Variants in SUPT3H observed in about 807,000 individuals in gnomAD.
The protein encoded by SUPT3H is SPT3 homolog, SAGA and STAGA complex component.
Under a neutral mutation model 44.3 loss-of-function variants are expected in SUPT3H, and 44 were observed. That is an observed-to-expected ratio of 0.99 (90% CI 0.78 to 1.28). SUPT3H has a LOEUF of 1.28. SUPT3H is among the 50% of genes most tolerant of loss of function. SUPT3H has a pLI of 0.00. For missense variants in SUPT3H, 380 were observed against 387.1 expected (o/e 0.98, Z 0.15); for synonymous variants, 124 against 125.6 (o/e 0.99, Z 0.09).
intron 2 of SUPT3H, among the ~76,000 whole-genome samples, chr6:45,216,185 TAAAA>T (rs760907315): frequency 0.13 from 17,803 of 137,232 alleles, 1,248 homozygotes; most frequent in African/African-American, 0.26. Context: ...CTTAAGGAAG[TAAAA>T]GGATGGTAAC....
chr6:45,209,212 A>T (rs1763699663), intron 2 of SUPT3H, among the ~76,000 whole-genome samples: 1 of 152,216 alleles, frequency 6.6e-6, no homozygotes, highest in Non-Finnish European at 1.5e-5. Flanking sequence ...CTAGCACAAC[A>T]TCCATTCTGC....
At chr6:45,234,201 GGAGT>G (rs1768628686) in intron 2 of SUPT3H, among the ~76,000 whole-genome samples, 1 of 152,058 alleles carries the variant, frequency 6.6e-6, no homozygotes, top group Admixed American at 6.6e-5. Context: ...ATTATTGTCT[GGAGT>G]GAGTATCAGT....
chr6:44,924,316 A>G (rs1267941017), intron 10 of SUPT3H, among the ~76,000 whole-genome samples: 1 of 152,118 alleles, frequency 6.6e-6, no homozygotes. Flanking sequence ...AAAATATACA[A>G]AAATAAAGTG....
chr6:45,369,425 ATTACT>A (rs1289558780), intron 1 of SUPT3H, among the ~76,000 whole-genome samples: 9 of 152,276 alleles, frequency 5.9e-5, no homozygotes, highest in African/African-American at 1.9e-4. Context: ...TTAATATTAA[ATTACT>A]TTAGTGCATA....
At chr6:44,995,526 C>A (rs964885101) in intron 6 of SUPT3H, among the ~76,000 whole-genome samples, 3 of 152,080 alleles carry the variant, frequency 2.0e-5, no homozygotes, top group Non-Finnish European at 2.9e-5. Flanking sequence ...GAGTTTCTAA[C>A]TGCTAGTATT....
At chr6:44,928,909 A>AAAAAAAAAAAAAAAAAAAG (rs1491361687) in intron 10 of SUPT3H, among the ~76,000 whole-genome samples, 4 of 139,140 alleles carry the variant, frequency 2.9e-5, no homozygotes, top group African/African-American at 1.1e-4. Flanking sequence ...AAAAAAGAAA[A>AAAAAAAAAAAAAAAAAAAG]GAAAAGAAAC....
intron 10 of SUPT3H, among the ~76,000 whole-genome samples, chr6:44,841,215 T>A (rs973186051): frequency 6.6e-6 from 1 of 152,236 alleles, no homozygotes; most frequent in Non-Finnish European, 1.5e-5. Context: ...ATATTATTAT[T>A]AGTTGTTATA....
At chr6:45,256,172 A>T (rs1289928222) in intron 2 of SUPT3H, among the ~76,000 whole-genome samples, 4 of 152,206 alleles carry the variant, frequency 2.6e-5, no homozygotes, top group Admixed American at 2.6e-4. Context: ...CTCTGTCTCA[A>T]AAAATAAATA....
At chr6:44,855,651 G>T (rs1773606293) in intron 10 of SUPT3H, among the ~76,000 whole-genome samples, 1 of 151,698 alleles carries the variant, frequency 6.6e-6, no homozygotes, top group African/African-American at 2.4e-5. Flanking sequence ...ATAGACAACA[G>T]ATACATCCAT....
intron 6 of SUPT3H, among the ~76,000 whole-genome samples, chr6:44,996,296 TTTA>T (rs1289663702): frequency 6.6e-6 from 1 of 151,744 alleles, no homozygotes; most frequent in Non-Finnish European, 1.5e-5. Context: ...ACTTTATATA[TTTA>T]TTTTTATTTC....
chr6:45,282,705 C>T (rs1433665613), intron 2 of SUPT3H, among the ~76,000 whole-genome samples: 1 of 152,062 alleles, frequency 6.6e-6, no homozygotes, highest in Admixed American at 6.5e-5. Context: ...GCAAGGCAGG[C>T]CAACATGCAA....
chr6:44,948,524 G>T (rs1773720442), intron 9 of SUPT3H, among the ~76,000 whole-genome samples: 1 of 152,110 alleles, frequency 6.6e-6, no homozygotes, highest in South Asian at 2.1e-4. Context: ...AATCTACAAA[G>T]AACTTAAACA....
At chr6:45,351,523 T>C (rs1323151313) in intron 2 of SUPT3H, among the ~76,000 whole-genome samples, 1 of 152,176 alleles carries the variant, frequency 6.6e-6, no homozygotes, top group African/African-American at 2.4e-5. Flanking sequence ...TGAGTGGAGA[T>C]GTCAAAGAAG....
chr6:45,049,216 G>A (rs1241100992), intron 3 of SUPT3H, among the ~76,000 whole-genome samples: 1 of 151,982 alleles, frequency 6.6e-6, no homozygotes, highest in East Asian at 1.9e-4. Flanking sequence ...AAGAAAAGAA[G>A]GATGCCAAGA....
intron 4 of SUPT3H, among the ~76,000 whole-genome samples, chr6:45,016,865 G>T (rs945048141): frequency 6.6e-6 from 1 of 151,928 alleles, no homozygotes; most frequent in African/African-American, 2.4e-5. Context: ...ACCCAGTAAT[G>T]GGATGGCTGG....
rs1250202628 is a variant in SUPT3H at position 45,095,376 on chromosome 6, A to C, written c.186+10546T>G. Among the ~76,000 whole-genome samples, 1 of 152,180 alleles carries C rather than the reference A, an allele frequency of 6.6e-6. No individual in the cohort carries two copies. ...CAGCCTCACAGAACTGGTGATGAGG[A>C]CAGAACAGAGCTTTGCATGAACTGC... On this transcript the variant is annotated intron_variant, in intron 3 of 10. Coordinates refer to ENST00000371459, the MANE Select transcript of SUPT3H (RefSeq NM_003599.4). The surrounding 1 kb of genome is among the most constrained non-coding windows in gnomAD (Gnocchi z 4.1).
chr6:45,122,495 T>C (rs1801819021), intron 2 of SUPT3H, among the ~76,000 whole-genome samples: 1 of 152,208 alleles, frequency 6.6e-6, no homozygotes, highest in African/African-American at 2.4e-5. Flanking sequence ...TTAAGCTATT[T>C]GCTAGCAAAA....
chr6:44,978,183 A>G (rs1778603373), intron 6 of SUPT3H, among the ~76,000 whole-genome samples: 1 of 152,178 alleles, frequency 6.6e-6, no homozygotes, highest in Admixed American at 6.5e-5. Flanking sequence ...GAATATTGCT[A>G]TATTATATAT....
intron 10 of SUPT3H, among the ~76,000 whole-genome samples, chr6:44,885,261 C>T (rs1173288239): frequency 6.6e-6 from 1 of 152,158 alleles, no homozygotes; most frequent in Non-Finnish European, 1.5e-5. Context: ...TTGAAGAGAG[C>T]AGTGGTTCTC....
Sources: allele counts gnomAD v4.1 joint callset (sites outside exome capture counted in the v4.1 genomes callset), GRCh38; gene constraint gnomAD v4.1.1; non-coding constraint Gnocchi (gnomAD v3.1); transcripts MANE v1.5; gene names NCBI Gene and HGNC (gene_info 2026-07-23, HGNC 2026-07-21).